B4GALNT3: variants seen among roughly 807,000 people sequenced by gnomAD.
B4GALNT3 encodes beta-1,4-N-acetyl-galactosaminyltransferase 3.
Under a neutral mutation model 120.2 loss-of-function variants are expected in B4GALNT3, and 86 were observed. The observed-to-expected ratio is 0.72, with a 90% CI of 0.60 to 0.86. The LOEUF is 0.86. Among genes scored for constraint, B4GALNT3 ranks in the 40% least tolerant of loss-of-function variants. The pLI, the probability that B4GALNT3 is intolerant of heterozygous loss-of-function variation, is 0.00. For missense variants in B4GALNT3, 1,167 were observed against 1,298.9 expected (o/e 0.90, Z 1.56); for synonymous variants, 518 against 510.4 (o/e 1.01, Z -0.20).
At chr12:485,361 A>G (rs1438923222) in intron 1 of B4GALNT3, among the ~76,000 whole-genome samples, 2 of 152,226 alleles carry the variant, frequency 1.3e-5, no homozygotes, top group Non-Finnish European at 2.9e-5. Flanking sequence ...CAGGCTCAGT[A>G]GATATGTGAA....
Position 536,220 on chromosome 12 carries a change from C to T in B4GALNT3, c.276C>T (p.Asp92=), listed in dbSNP as rs1182244502. The stretch of plus-strand genomic sequence containing the variant: ...TTCGTTCTTCATTCTTCCCCTAGGA[C>T]CACGACATTGACCAAGGGGTGAGCA... ...FYHPQRLSLE[D]HDIDQGVSSN... The change falls in exon 3 of 20, where the codon GAC becomes GAT. Residue 92 remains aspartate, a splice_region_variant and synonymous_variant. Transcript: ENST00000266383. 3 of 1,613,708 alleles carry T rather than the reference C, an allele frequency of 1.9e-6. No individual in the cohort carries two copies. Among genetic ancestry groups the T allele is most frequent in the Non-Finnish European group, 2.5e-6 (3 of 1,179,712 alleles).
In B4GALNT3 at chr12:549,760, T is replaced by G. The variant is rs1261151668; in HGVS notation, c.854-9T>G. On this transcript the variant is annotated splice_polypyrimidine_tract_variant and intron_variant, in intron 9 of 19. Coordinates refer to ENST00000266383, the MANE Select transcript of B4GALNT3 (RefSeq NM_173593.4). ...ACAGCCTCCTGCTTTCTTTCCTCCCTGCGCCCAGATGAGACGTTCCTACAG... is the reference window on the plus strand; with the variant it reads ...ACAGCCTCCTGCTTTCTTTCCTCCCGGCGCCCAGATGAGACGTTCCTACAG... 1 of 1,613,696 alleles carries G rather than the reference T, an allele frequency of 6.2e-7. No homozygotes were observed. Among genetic ancestry groups the G allele is most frequent in the African/African-American group, 1.3e-5 (1 of 75,068 alleles).
At chr12:518,621 A>C (rs1422969645) in intron 1 of B4GALNT3, among the ~76,000 whole-genome samples, 1 of 151,764 alleles carries the variant, frequency 6.6e-6, no homozygotes, top group Non-Finnish European at 1.5e-5. Flanking sequence ...CTGGTCTCCA[A>C]CTCCTGGGCT....
At chr12:463,832 G>A (rs534441891) in intron 1 of B4GALNT3, among the ~76,000 whole-genome samples, 3 of 152,354 alleles carry the variant, frequency 2.0e-5, no homozygotes, top group South Asian at 2.1e-4. Context: ...GAGCAGCTGA[G>A]TTTGGTGAAA....
chr12:509,465 G>A (rs572215333), intron 1 of B4GALNT3, among the ~76,000 whole-genome samples: 5 of 152,282 alleles, frequency 3.3e-5, no homozygotes, highest in African/African-American at 1.2e-4. Flanking sequence ...ACTGAAACCC[G>A]GATACGGAAT....
Position 558,539 on chromosome 12 carries a change from T to G in B4GALNT3, c.2639T>G (p.Leu880Arg). The G allele has an allele frequency of 6.2e-7, 1 of 1,614,144 alleles. No individual in the cohort carries two copies. Among genetic ancestry groups the G allele is most frequent in the Non-Finnish European group, 8.5e-7 (1 of 1,180,002 alleles). ...CACAGCATCATCTTCCTCTGTGACCTCCACATCCACTTCCCAGCTGGAGTC... is the reference window on the plus strand; with the variant it reads ...CACAGCATCATCTTCCTCTGTGACCGCCACATCCACTTCCCAGCTGGAGTC... ...DPHSIIFLCD[L>R]HIHFPAGVID... Residue 880 changes from leucine to arginine, a missense_variant, in exon 18 of 20, where the codon CTC becomes CGC. Coordinates refer to ENST00000266383, the MANE Select transcript of B4GALNT3 (RefSeq NM_173593.4).
chr12:497,413 G>A lies in B4GALNT3; in HGVS notation c.169+36868G>A, dbSNP rs181398534. Reference sequence around the variant, plus strand: ...CCGCCTCGGCCTCCCAAAGTGCTGGGATTACAGGCGTGAGCCACTGCACCT... The same window carrying A: ...CCGCCTCGGCCTCCCAAAGTGCTGGAATTACAGGCGTGAGCCACTGCACCT... On this transcript the variant is annotated intron_variant, in intron 1 of 19. Coordinates refer to ENST00000266383, the MANE Select transcript of B4GALNT3 (RefSeq NM_173593.4). Among the ~76,000 whole-genome samples, 448 of 152,318 alleles carry A rather than the reference G, an allele frequency of 2.9e-3. 1 individual carries two copies. Among genetic ancestry groups the A allele is most frequent in the African/African-American group, 9.9e-3 (411 of 41,562 alleles).
chr12:552,414 G>A, intron 12 of B4GALNT3, 53 bp from the exon 13 acceptor site: 1 of 1,561,698 alleles, frequency 6.4e-7, no homozygotes, highest in Non-Finnish European at 8.8e-7. Context: ...GCAGAGCCAG[G>A]GCTGAGCCCG....
chr12:500,865 C>CCTT (rs2043817132), intron 1 of B4GALNT3, among the ~76,000 whole-genome samples: 1 of 61,832 alleles, frequency 1.6e-5, no homozygotes, highest in African/African-American at 7.5e-5. Context: ...GGCTCCACTG[C>CCTT]TTTTTTTTTT....
chr12:525,086 T>TTTTATTTATTTATTTATTTATTTATTTA (rs575604135), intron 1 of B4GALNT3, among the ~76,000 whole-genome samples: 3 of 130,532 alleles, frequency 2.3e-5, no homozygotes, highest in Non-Finnish European at 3.4e-5. Flanking sequence ...AATAACACAA[T>TTTTATTTATTTATTTATTTATTTATTTA]TTTATTTATT....
At chr12:559,107 C>T (rs902527861) in intron 18 of B4GALNT3, among the ~76,000 whole-genome samples, 188 bp from the exon 19 acceptor site, 3 of 152,078 alleles carry the variant, frequency 2.0e-5, no homozygotes, top group African/African-American at 7.2e-5. Context: ...CTGCTGAGCC[C>T]TGAACCTTAG....
intron 1 of B4GALNT3, among the ~76,000 whole-genome samples, chr12:522,384 C>T (rs11063397): frequency 0.2 from 30,844 of 152,076 alleles, 4,571 homozygotes; most frequent in East Asian, 0.41. Context: ...CTTGAGAACA[C>T]GTGAAGTGAG....
In B4GALNT3 at chr12:548,907, G is replaced by A. The variant is rs1364374474; in HGVS notation, c.853+610G>A. Reference sequence around the variant, plus strand: ...AACAGAGCAAGACGCTGCCTCAAAAGCAAAACAAAACAACACAAAAAAACC... The same window carrying A: ...AACAGAGCAAGACGCTGCCTCAAAAACAAAACAAAACAACACAAAAAAACC... On this transcript the variant is annotated intron_variant, in intron 9 of 19. Transcript: ENST00000266383. This position sits in a 1 kb window ranked among gnomAD's most constrained non-coding sequence, Gnocchi z 4.9. 6.6e-6 allele frequency among the ~76,000 whole-genome samples: 1 copy of A among 151,852 alleles called. No individual in the cohort carries two copies. Among genetic ancestry groups the A allele is most frequent in the Non-Finnish European group, 1.5e-5 (1 of 67,944 alleles).
chr12:536,070 G>A (rs1946855632), intron 2 of B4GALNT3, 148 bp from the exon 3 acceptor site: 1 of 635,834 alleles, frequency 1.6e-6, no homozygotes, highest in Non-Finnish European at 2.8e-6. Flanking sequence ...TGAAACTATG[G>A]AGATGTATTC....
chr12:552,012 C>T lies in B4GALNT3; in HGVS notation c.1108-51C>T, dbSNP rs1592055941. 6 of 1,415,190 alleles carry T rather than the reference C, an allele frequency of 4.2e-6. No individual in the cohort carries two copies. The Admixed American group carries it at 8.4e-5, about 20-fold the overall frequency. The allele number at this position is 1,415,190 out of a possible 1,614,324, so 87.7% of individuals were successfully genotyped here. ...AGGCTTAACCCTGGCTGGCTGATTT[C>T]TTACCAAGATCTCACTCTCTTACTC... On this transcript the variant is annotated intron_variant, in intron 11 of 19. Transcript: ENST00000266383.
intron 1 of B4GALNT3, among the ~76,000 whole-genome samples, chr12:504,677 A>G (rs10744659): frequency 0.91 from 138,636 of 152,040 alleles, 63,426 homozygotes; most frequent in East Asian, 1. Flanking sequence ...GCACCCCTGC[A>G]CTCCAGCCTG....
At chr12:463,292 T>C (rs1330215152) in intron 1 of B4GALNT3, among the ~76,000 whole-genome samples, 1 of 152,218 alleles carries the variant, frequency 6.6e-6, no homozygotes, top group Non-Finnish European at 1.5e-5. Context: ...TCCTTCTTTA[T>C]CTTCGTGAAA....
chr12:549,895 G>C lies in B4GALNT3; in HGVS notation c.980G>C (p.Arg327Pro). The C allele has an allele frequency of 6.2e-7, 1 of 1,612,868 alleles. No individual in the cohort carries two copies. Among genetic ancestry groups the C allele is most frequent in the South Asian group, 1.1e-5 (1 of 90,946 alleles). ...GCTGACATGCTTCGGCCTGACCCCC[G>C]GGACACCCTCTATCGAGGTAAGGCC... The part of the protein sequence containing the change: ...PPADMLRPDP[R>P]DTLYRVPLIP... The change falls in exon 10 of 20, where the codon CGG (arginine) becomes CCG (proline). Residue 327 changes from arginine to proline, a missense_variant. Around this residue, in one of 3 missense-constraint regions of B4GALNT3, gnomAD observed 983 missense variants for 1,102.5 expected, o/e 0.89. Transcript: ENST00000266383.
Position 549,806 on chromosome 12 carries a change from C to T in B4GALNT3, c.891C>T (p.Ile297=). Residue 297 remains isoleucine, a synonymous_variant, in exon 10 of 20, where the codon ATC becomes ATT. Transcript: ENST00000266383. ...TACAGATGGATGAGGTGGGCCACAT[C>T]CCACAGACAGCAGCCAGCCACGTGG... is the stretch of plus-strand genomic sequence containing the variant. ...TFLQMDEVGH[I]PQTAASHVDS... is the part of the protein sequence containing the mutation. The T allele has an allele frequency of 6.2e-7, 1 of 1,613,744 alleles. No homozygotes were observed. The highest frequency in any genetic ancestry group is 8.5e-7 in the Non-Finnish European group (1 of 1,180,024).
Sources: allele counts gnomAD v4.1 joint callset (sites outside exome capture counted in the v4.1 genomes callset), GRCh38; gene constraint gnomAD v4.1.1; regional missense constraint gnomAD v4.1.1; non-coding constraint Gnocchi (gnomAD v3.1); transcripts MANE v1.5; gene names NCBI Gene and HGNC (gene_info 2026-07-23, HGNC 2026-07-21).